The following RYR2 variants were observed in gnomAD, a reference collection of about 807,000 sequenced individuals.
The protein encoded by RYR2 is cardiac muscle ryanodine receptor-calcium release channel.
In RYR2, 227 loss-of-function variants were observed where a neutral mutation model predicts 601.1. The ratio of observed to expected loss-of-function variants is 0.38; its 90% CI spans 0.34 to 0.42. The LOEUF (loss-of-function observed/expected upper bound fraction) is 0.42, where lower values mean the gene tolerates loss of function less well. Ranked by LOEUF, RYR2 falls within the 10% of genes least tolerant of loss-of-function variation. The pLI is 1.00. For missense variants in RYR2, 4,646 were observed against 6,156.5 expected (o/e 0.75, Z 8.21); for synonymous variants, 2,223 against 2,175.1 (o/e 1.02, Z -0.61).
chr1:237,366,227 G>A lies in RYR2; in HGVS notation c.309+1855G>A, dbSNP rs192546613. The stretch of plus-strand genomic sequence containing the variant: ...GATGCATTAGGACTGTCCTAAGCCT[G>A]ATCTGTTCCCTGAGGAGACTTTCCA... On this transcript the variant is annotated intron_variant, in intron 5 of 104. Coordinates refer to ENST00000366574, the MANE Select transcript of RYR2 (RefSeq NM_001035.3). Among the ~76,000 whole-genome samples the A allele has an allele frequency of 2.2e-3, 340 of 152,274 alleles. 2 individuals carry two copies. Among genetic ancestry groups the A allele is most frequent in the Non-Finnish European group, 4.0e-3 (273 of 68,032 alleles).
intron 100 of RYR2, among the ~76,000 whole-genome samples, chr1:237,809,893 T>G (rs974338658): frequency 6.6e-6 from 1 of 152,112 alleles, no homozygotes; most frequent in South Asian, 2.1e-4. Context: ...TAAAAGATGA[T>G]AAAGATCTTT....
intron 2 of RYR2, among the ~76,000 whole-genome samples, chr1:237,289,671 C>T (rs1691998726): frequency 6.6e-6 from 1 of 152,082 alleles, no homozygotes; most frequent in African/African-American, 2.4e-5. Context: ...ATGGGAACTA[C>T]AATTTAAGAT....
At chr1:237,364,482 CAG>C (rs1055914513) in intron 5 of RYR2, 110 bp downstream of exon 5, 1 of 477,314 alleles carries the variant, frequency 2.1e-6, no homozygotes, top group Non-Finnish European at 3.6e-6. Context: ...ATATATATGA[CAG>C]ATATATATAT....
chr1:237,208,254 G>T (rs77198716), intron 1 of RYR2, among the ~76,000 whole-genome samples: 2,929 of 152,306 alleles, frequency 0.019, 60 homozygotes, highest in South Asian at 0.084. Flanking sequence ...TATCCTCATG[G>T]AGTTTGCTGA....
Position 237,772,091 on chromosome 1 carries a change from G to T in RYR2, c.11637G>T (p.Leu3879=). The part of the protein sequence containing the change: ...NIIISTVDYL[L]RVQESISDFY... ...TTATCTCCACTGTAGACTACCTACT[G>T]AGAGTTCAGGTATGTTGCTTTCCAT... is the stretch of plus-strand genomic sequence containing the variant. Residue 3879 remains leucine, a synonymous_variant, in exon 86 of 105, where the codon CTG becomes CTT. Coordinates refer to ENST00000366574, the MANE Select transcript of RYR2 (RefSeq NM_001035.3). The T allele has an allele frequency of 6.6e-7, 1 of 1,508,492 alleles. No homozygotes were observed. Among genetic ancestry groups the T allele is most frequent in the South Asian group, 1.2e-5 (1 of 83,720 alleles). The allele number at this position is 1,508,492 out of a possible 1,614,324, so 93.4% of individuals were successfully genotyped here.
rs1176468756 is a variant in RYR2 at position 237,727,128 on chromosome 1, A to G, written c.10767A>G (p.Lys3589=). 5 of 1,607,218 alleles carry G rather than the reference A, an allele frequency of 3.1e-6. No homozygotes were observed. The African/African-American group carries it at 5.3e-5, about 17-fold the overall frequency. The change falls in exon 76 of 105, where the codon AAA becomes AAG. Residue 3589 remains lysine, a synonymous_variant. Transcript: ENST00000366574. The part of the protein sequence containing the change: ...PQRSKKAVWH[K]LLSKQRKRAV... Reference sequence around the variant, plus strand: ...GATCTAAAAAGGCTGTATGGCATAAACTACTGTCCAAGCAGAGGAAAAGGG... The same window carrying G: ...GATCTAAAAAGGCTGTATGGCATAAGCTACTGTCCAAGCAGAGGAAAAGGG...
chr1:237,373,463 C>T (rs1422793856), intron 6 of RYR2, among the ~76,000 whole-genome samples: 1 of 152,204 alleles, frequency 6.6e-6, no homozygotes, highest in Non-Finnish European at 1.5e-5. Flanking sequence ...CATTTCTAGC[C>T]TTTGCATTAT....
At chr1:237,480,592 A>AT (rs112095247) in intron 17 of RYR2, among the ~76,000 whole-genome samples, 3 of 151,722 alleles carry the variant, frequency 2.0e-5, no homozygotes, top group Admixed American at 6.6e-5. Flanking sequence ...TAGTTTGTCT[A>AT]TTTTTTTATA....
chr1:237,635,102 T>C, intron 44 of RYR2, 110 bp downstream of exon 44: 2 of 800,552 alleles, frequency 2.5e-6, no homozygotes, highest in South Asian at 2.7e-5. Flanking sequence ...GGTTTTGCAA[T>C]GTGACATTAT....
At chr1:237,087,620 G>A (rs760772154) in intron 1 of RYR2, among the ~76,000 whole-genome samples, 1 of 151,930 alleles carries the variant, frequency 6.6e-6, no homozygotes, top group Non-Finnish European at 1.5e-5. Flanking sequence ...AATGGCATTC[G>A]TATATCTTGT....
At chr1:237,546,677 A>G (rs1286052494) in intron 25 of RYR2, among the ~76,000 whole-genome samples, 1 of 151,972 alleles carries the variant, frequency 6.6e-6, no homozygotes, top group Non-Finnish European at 1.5e-5. Flanking sequence ...TACCAAGCCC[A>G]GCCTATACAT....
At position 237,184,270 on chromosome 1, in the gene RYR2, G is replaced by C. The variant is rs1178371406; in HGVS notation, c.49-86227G>C. 2.0e-5 allele frequency among the ~76,000 whole-genome samples: 3 copies of C among 152,162 alleles called. No individual in the cohort carries two copies. In the East Asian group the frequency reaches 5.8e-4, roughly 29 times the overall value. On this transcript the variant is annotated intron_variant, in intron 1 of 104. Transcript: ENST00000366574. ...CAGAGGACTGGGGCAGAAATGAGGAGGTGGCTGAAGAGTGCTTCATCTCCC... is the reference window on the plus strand; with the variant it reads ...CAGAGGACTGGGGCAGAAATGAGGACGTGGCTGAAGAGTGCTTCATCTCCC...
chr1:237,706,373 A>G (rs978887690), intron 67 of RYR2, among the ~76,000 whole-genome samples: 7 of 152,254 alleles, frequency 4.6e-5, no homozygotes, highest in Admixed American at 1.3e-4. Context: ...AGGAAAAGGG[A>G]ATTTGGTCCT....
intron 1 of RYR2, among the ~76,000 whole-genome samples, chr1:237,107,839 C>G (rs986862570): frequency 6.6e-6 from 1 of 152,210 alleles, no homozygotes; most frequent in African/African-American, 2.4e-5. Flanking sequence ...TCCACCTCCC[C>G]TGCACAGGCT....
At chr1:237,309,932 G>T (rs985006784) in intron 2 of RYR2, among the ~76,000 whole-genome samples, 5 of 152,154 alleles carry the variant, frequency 3.3e-5, no homozygotes, top group Non-Finnish European at 5.9e-5. Context: ...TGCGGGACCC[G>T]CCGAGCCCAC....
chr1:237,270,302 TG>T (rs1689548414), intron 1 of RYR2, 194 bp from the exon 2 acceptor site: 1 of 760,474 alleles, frequency 1.3e-6, no homozygotes, highest in African/African-American at 1.7e-5. Flanking sequence ...CCTACTCAGT[TG>T]CCTTTTTGCA....
chr1:237,515,176 A>C (rs995621006), intron 24 of RYR2, among the ~76,000 whole-genome samples: 1 of 152,186 alleles, frequency 6.6e-6, no homozygotes, highest in Non-Finnish European at 1.5e-5. Flanking sequence ...TTGGCAGATC[A>C]TGCCTGCCAG....
Position 237,801,405 on chromosome 1 carries a change from G to A in RYR2, c.14091-451G>A, listed in dbSNP as rs186550171. Among the ~76,000 whole-genome samples, 501 of 150,470 alleles carry A rather than the reference G, an allele frequency of 3.3e-3. 2 individuals carry two copies. Among genetic ancestry groups the A allele is most frequent in the African/African-American group, 0.011 (468 of 40,832 alleles). Reference sequence around the variant, plus strand: ...AAAAAAAAAAAAATTCGCTGGGAGCGGTAGCACATGCCTGTAATCCCAGCT... The same window carrying A: ...AAAAAAAAAAAAATTCGCTGGGAGCAGTAGCACATGCCTGTAATCCCAGCT... On this transcript the variant is annotated intron_variant, in intron 97 of 104. Coordinates refer to ENST00000366574, the MANE Select transcript of RYR2 (RefSeq NM_001035.3).
At chr1:237,645,868 CTTT>C in intron 48 of RYR2, among the ~76,000 whole-genome samples, 1 of 136,522 alleles carries the variant, frequency 7.3e-6, no homozygotes, top group East Asian at 2.2e-4. Flanking sequence ...TAGATCTCTG[CTTT>C]TTTTTTTTTG....
Sources: allele counts gnomAD v4.1 joint callset (sites outside exome capture counted in the v4.1 genomes callset), GRCh38; gene constraint gnomAD v4.1.1; transcripts MANE v1.5; gene names NCBI Gene and HGNC (gene_info 2026-07-23, HGNC 2026-07-21).